AFF3: variants seen among roughly 807,000 people sequenced by gnomAD.
AFF3 encodes ALF transcription elongation factor 3.
Under a neutral mutation model 129.7 loss-of-function variants are expected in AFF3, and 32 were observed. That is an observed-to-expected ratio of 0.25 (90% CI 0.19 to 0.33). AFF3 has a LOEUF of 0.33. Among genes scored for constraint, AFF3 ranks in the 10% least tolerant of loss-of-function variants. AFF3 has a pLI of 1.00. For synonymous variants in AFF3, 644 were observed against 635.4 expected (o/e 1.01, Z -0.20); for missense variants, 1,373 against 1,592.0 (o/e 0.86, Z 2.34).
chr2:99,873,698 C>A, intron 7 of AFF3, among the ~76,000 whole-genome samples: 1 of 150,002 alleles, frequency 6.7e-6, no homozygotes, highest in East Asian at 1.9e-4. Context: ...CTTGGTTAAT[C>A]CAGGTGTGAC....
At chr2:100,038,226 G>A (rs963415015) in intron 4 of AFF3, among the ~76,000 whole-genome samples, 2 of 151,918 alleles carry the variant, frequency 1.3e-5, no homozygotes, top group Non-Finnish European at 2.9e-5. Context: ...AGCCCCGCCC[G>A]CTTCCCCACC....
intron 3 of AFF3, chr2:100,104,823 G>GCCGCCGCCC: frequency 5.0e-6 from 3 of 602,854 alleles, no homozygotes; most frequent in Non-Finnish European, 6.1e-6. Flanking sequence ...CGCCGCCGCC[G>GCCGCCGCCC]CGGTGCTCTG....
Position 100,104,460 on chromosome 2 carries a change from G to A in AFF3, c.-6C>T, listed in dbSNP as rs1400635106. On this transcript the variant is annotated 5_prime_UTR_variant, in exon 4 of 25. Coordinates refer to ENST00000672756, the MANE Select transcript of AFF3 (RefSeq NM_001386135.1). The stretch of plus-strand genomic sequence containing the variant: ...GCTAAGTCGAAGCTGTCCATGGTGG[G>A]AGGTGTCAGCGTCGCCGCCGCCGCT... The A allele has an allele frequency of 4.6e-6, 6 of 1,315,912 alleles. No individual in the cohort carries two copies. Among genetic ancestry groups the A allele is most frequent in the Non-Finnish European group, 5.9e-6 (6 of 1,008,800 alleles). 81.5% of individuals were successfully genotyped at this position (1,315,912 alleles called of 1,614,324 possible). A position where few individuals can be genotyped will look rare whatever the true frequency, so the allele number is the denominator to read the frequency against.
chr2:99,587,803 A>T (rs1466064842), intron 15 of AFF3, among the ~76,000 whole-genome samples: 1 of 152,044 alleles, frequency 6.6e-6, no homozygotes, highest in Non-Finnish European at 1.5e-5. Flanking sequence ...CGAGGTCAGG[A>T]GATCAACACC....
intron 14 of AFF3, among the ~76,000 whole-genome samples, chr2:99,599,609 C>A (rs1679622407): frequency 1.3e-5 from 2 of 152,194 alleles, no homozygotes; most frequent in South Asian, 4.1e-4. Context: ...CTAGGACCTA[C>A]ATTTCAGGAT....
chr2:100,115,133 A>G (rs953896549), intron 2 of AFF3, among the ~76,000 whole-genome samples: 2 of 152,220 alleles, frequency 1.3e-5, no homozygotes, highest in Admixed American at 6.5e-5. Flanking sequence ...TCATAGCTCA[A>G]TTGCATTGTA....
intron 15 of AFF3, among the ~76,000 whole-genome samples, chr2:99,591,060 C>T (rs754687054): frequency 7.2e-5 from 11 of 151,968 alleles, no homozygotes; most frequent in Non-Finnish European, 1.2e-4. Context: ...AAAAAGCTGC[C>T]CCTTGAACAT....
rs1291693589 is a variant in AFF3, at chr2:99,546,943, T to TGTGCATAC, written c.*4523_*4530dup. Reference sequence around the variant, plus strand: ...TTCACTGGGACACTGGGAGCGTGCATGTGCATACGTGCATGCATGTGCGCG... The same window carrying TGTGCATAC: ...TTCACTGGGACACTGGGAGCGTGCATGTGCATACGTGCATACGTGCATGCATGTGCGCG... On this transcript the variant is annotated 3_prime_UTR_variant, in exon 25 of 25. Coordinates refer to ENST00000672756, the MANE Select transcript of AFF3 (RefSeq NM_001386135.1). 1 of 221,028 alleles carries TGTGCATAC rather than the reference T, an allele frequency of 4.5e-6. No individual in the cohort carries two copies. Among genetic ancestry groups the TGTGCATAC allele is most frequent in the Non-Finnish European group, 9.1e-6 (1 of 110,462 alleles). 13.7% of individuals were successfully genotyped at this position (221,028 alleles called of 1,614,324 possible). A position where few individuals can be genotyped will look rare whatever the true frequency, so the allele number is the denominator to read the frequency against.
chr2:99,787,888 C>T (rs1017471885), intron 8 of AFF3, among the ~76,000 whole-genome samples: 4 of 152,144 alleles, frequency 2.6e-5, no homozygotes, highest in African/African-American at 9.7e-5. Context: ...CAGAACTAGA[C>T]AGCATATATG....
At position 99,937,587 on chromosome 2, in the gene AFF3, C is replaced by T. The variant is rs111373999; in HGVS notation, c.873+69045G>A. ...CTAATTTTTGTATTTTTAGTAGAGA[C>T]GGGGTTTTACCATATTGACCAGGGT... is the stretch of plus-strand genomic sequence containing the variant. On this transcript the variant is annotated intron_variant, in intron 7 of 24. Coordinates refer to ENST00000672756, the MANE Select transcript of AFF3 (RefSeq NM_001386135.1). 1.7e-3 allele frequency among the ~76,000 whole-genome samples: 255 copies of T among 152,156 alleles called. 1 individual carries two copies. Among genetic ancestry groups the T allele is most frequent in the African/African-American group, 5.6e-3 (233 of 41,530 alleles).
intron 19 of AFF3, among the ~76,000 whole-genome samples, chr2:99,568,332 T>C (rs1676163745): frequency 6.6e-6 from 1 of 152,230 alleles, no homozygotes; most frequent in South Asian, 2.1e-4. Flanking sequence ...AAACAGGAGA[T>C]CATCCAAGCA....
Position 99,949,232 on chromosome 2 carries a change from C to T in AFF3, c.873+57400G>A, listed in dbSNP as rs759210265. Among the ~76,000 whole-genome samples the T allele has an allele frequency of 8.3e-4, 126 of 152,166 alleles. 3 individuals are homozygous for T. Among genetic ancestry groups the T allele is most frequent in the Non-Finnish European group, 2.6e-4 (18 of 68,022 alleles). On this transcript the variant is annotated intron_variant, in intron 7 of 24. Transcript: ENST00000672756. ...CTGCATATAAAAGTACTTAACACAT[C>T]CATTTAGGATATTTTATTGCTTCTA...
intron 7 of AFF3, among the ~76,000 whole-genome samples, chr2:99,994,041 G>C (rs1680612659): frequency 6.6e-6 from 1 of 151,460 alleles, no homozygotes; most frequent in Non-Finnish European, 1.5e-5. Context: ...CCTGACCTCA[G>C]GTGATCCACC....
At chr2:99,752,018 G>A (rs1681699756) in intron 9 of AFF3, among the ~76,000 whole-genome samples, 1 of 152,242 alleles carries the variant, frequency 6.6e-6, no homozygotes, top group Admixed American at 6.5e-5. Context: ...TTGCAGAGAA[G>A]TGTAGGTAAG....
rs554517983 is a variant in AFF3 at position 99,758,454 on chromosome 2, C to T, written c.922-6153G>A. ...ATACGAAATTAGCCAGGCGTGATGGCGCGCGCCTGTAATCACAGCTACTCG... is the reference window on the plus strand; with the variant it reads ...ATACGAAATTAGCCAGGCGTGATGGTGCGCGCCTGTAATCACAGCTACTCG... On this transcript the variant is annotated intron_variant, in intron 8 of 24. Transcript: ENST00000672756. 2.2e-3 allele frequency among the ~76,000 whole-genome samples: 339 copies of T among 152,034 alleles called. 2 individuals carry two copies. The highest frequency in any genetic ancestry group is 7.6e-3 in the African/African-American group (315 of 41,474).
At chr2:99,709,251 C>G (rs545619200) in intron 11 of AFF3, among the ~76,000 whole-genome samples, 1 of 152,316 alleles carries the variant, frequency 6.6e-6, no homozygotes, top group South Asian at 2.1e-4. Flanking sequence ...AGGAGTCAAA[C>G]TGGGTTCAAA....
At chr2:99,975,210 GTTGAC>G (rs1344474794) in intron 7 of AFF3, among the ~76,000 whole-genome samples, 1 of 152,194 alleles carries the variant, frequency 6.6e-6, no homozygotes, top group Non-Finnish European at 1.5e-5. Flanking sequence ...GGGATACACG[GTTGAC>G]TTGAAGCTGG....
intron 11 of AFF3, among the ~76,000 whole-genome samples, chr2:99,696,792 CGCCACCAT>C (rs1558758936): frequency 6.6e-6 from 1 of 152,064 alleles, no homozygotes; most frequent in African/African-American, 2.4e-5. Context: ...TACAGGCACG[CGCCACCAT>C]GCCCAGCTAA....
chr2:100,033,334 T>A (rs1162429163), intron 4 of AFF3, among the ~76,000 whole-genome samples: 22 of 152,152 alleles, frequency 1.4e-4, no homozygotes, highest in Admixed American at 1.4e-3. Context: ...AAGAGAAAGA[T>A]TTGAGATTAA....
Sources: gnomAD v4.1 joint callset for allele counts (sites outside exome capture counted in the v4.1 genomes callset) on GRCh38, gnomAD v4.1.1 for gene constraint, MANE v1.5 for transcripts, NCBI Gene and HGNC (gene_info 2026-07-23, HGNC 2026-07-21) for gene names.